WDR62: variants seen among roughly 807,000 people sequenced by gnomAD.
WDR62 encodes the protein WD repeat-containing protein 62.
WDR62 carries 112 observed loss-of-function variants against 160.6 expected under a neutral mutation model. The ratio of observed to expected loss-of-function variants is 0.70; its 90% CI spans 0.60 to 0.82. The LOEUF (loss-of-function observed/expected upper bound fraction) is 0.82. WDR62 is among the 40% of genes least tolerant of loss of function. The probability of loss-of-function intolerance (pLI) is 0.00; values close to 1 mark genes in which losing one functional copy is unlikely to be tolerated. For synonymous variants in WDR62, 792 were observed against 815.1 expected (o/e 0.97, Z 0.48); for missense variants, 1,819 against 1,983.8 (o/e 0.92, Z 1.58).
At chr19:36,098,632 TC>T (rs1228158428) in intron 21 of WDR62, among the ~76,000 whole-genome samples, 5 of 151,264 alleles carry the variant, frequency 3.3e-5, no homozygotes, top group Non-Finnish European at 7.4e-5. Flanking sequence ...TGAAGGATGA[TC>T]CCAAGGTTGG....
chr19:36,100,663 G>T (rs1375159007), intron 22 of WDR62, 85 bp from the exon 23 acceptor site: 1 of 1,597,300 alleles, frequency 6.3e-7, no homozygotes, highest in East Asian at 2.2e-5. Context: ...GCCTCCAGCA[G>T]TGGGGCTGCT....
chr19:36,059,124 C>T (rs949162746), intron 2 of WDR62: 19 of 637,620 alleles, frequency 3.0e-5, no homozygotes, highest in Admixed American at 8.4e-5. Context: ...CTGGGAAAGA[C>T]AGGTGATTAA....
chr19:36,103,403 G>T lies in WDR62; in HGVS notation c.3575G>T (p.Arg1192Met), dbSNP rs78172622. 6.2e-7 allele frequency: 1 copy of T among 1,614,050 alleles called. No homozygotes were observed. Among genetic ancestry groups the T allele is most frequent in the Non-Finnish European group, 8.5e-7 (1 of 1,179,996 alleles). The change falls in exon 30 of 32, where the codon AGG (arginine) becomes ATG (methionine). Residue 1192 changes from arginine (R) to methionine (M), a missense_variant. Physicochemically the swap from Arg to Met is moderately conservative, Grantham distance 91 (BLOSUM62 -1). Around this residue, in one of 3 missense-constraint regions of WDR62, gnomAD observed 770 missense variants for 734.2 expected, o/e 1.05. Coordinates refer to ENST00000401500, the MANE Select transcript of WDR62 (RefSeq NM_001083961.2). The stretch of plus-strand genomic sequence containing the variant: ...GCTTCCTCCGTGCTGCCCACAGACA[G>T]GAATCTCCCAACGCCCACATCTGCA... ...VPASSVLPTD[R>M]NLPTPTSAPT...
At chr19:36,087,400 G>A (rs370257947) in intron 13 of WDR62, among the ~76,000 whole-genome samples, 6 of 151,772 alleles carry the variant, frequency 4.0e-5, no homozygotes, top group Admixed American at 2.6e-4. Context: ...CCAGCTACTC[G>A]GGAGGCTGAG....
At chr19:36,087,681 T>C (rs896077504) in intron 13 of WDR62, among the ~76,000 whole-genome samples, 5 of 151,832 alleles carry the variant, frequency 3.3e-5, no homozygotes, top group Non-Finnish European at 7.4e-5. Context: ...TAACCGGGCA[T>C]GGTGGTGCAC....
At chr19:36,081,665 A>G in intron 10 of WDR62, 95 bp downstream of exon 10, 5 of 1,543,780 alleles carry the variant, frequency 3.2e-6, no homozygotes, top group South Asian at 1.1e-5. Context: ...TGGACCCTAG[A>G]TGTTAGGTTC....
chr19:36,062,135 C>G (rs966750544), intron 3 of WDR62: 5 of 151,994 alleles, frequency 3.3e-5, no homozygotes, highest in Non-Finnish European at 5.9e-5. Flanking sequence ...TTAGTGGAGA[C>G]GGGGTTCATC....
chr19:36,100,058 G>T lies in WDR62; in HGVS notation c.2739+441G>T, dbSNP rs543600490. On this transcript the variant is annotated intron_variant, in intron 22 of 31. Transcript: ENST00000401500. ...TTAACGATCACTTGAGGAGTTCAAG[G>T]CCAGCCTAGGCAACGTAGCAAGATC... Among the ~76,000 whole-genome samples the T allele has an allele frequency of 5.3e-5, 8 of 152,268 alleles. No homozygotes were observed. In the East Asian group the frequency reaches 1.5e-3, roughly 29 times the overall value.
Position 36,066,017 on chromosome 19 carries a change from T to C in WDR62, c.390+2T>C. ...GGGAAGTACATAGTGACAGGGGAGG[T>C]GAGTCGTGATCGTGACTGAGTGGGA... is the stretch of plus-strand genomic sequence containing the variant. On this transcript the variant is annotated splice_donor_variant, in intron 4 of 31. Coordinates refer to ENST00000401500, the MANE Select transcript of WDR62 (RefSeq NM_001083961.2). LOFTEE classifies it high-confidence loss of function. 1 of 1,613,628 alleles carries C rather than the reference T, an allele frequency of 6.2e-7. No homozygotes were observed. Among genetic ancestry groups the C allele is most frequent in the Non-Finnish European group, 8.5e-7 (1 of 1,179,862 alleles).
intron 9 of WDR62, 21 bp downstream of exon 9, chr19:36,073,552 C>T: frequency 6.4e-7 from 1 of 1,558,064 alleles, no homozygotes; most frequent in East Asian, 2.3e-5. Context: ...CCCCCACCCC[C>T]TTGCCCCTGC....
chr19:36,094,383 G>A lies in WDR62; in HGVS notation c.2467+219G>A, dbSNP rs76093100. On this transcript the variant is annotated intron_variant, in intron 20 of 31. Coordinates refer to ENST00000401500, the MANE Select transcript of WDR62 (RefSeq NM_001083961.2). ...AGCCTGACCAATATGGTGAAACCCC[G>A]TCTCAACTAAAAATACAAAAATTAG... is the stretch of plus-strand genomic sequence containing the variant. Among the ~76,000 whole-genome samples, 5,078 of 151,576 alleles carry A rather than the reference G, an allele frequency of 0.034. 129 individuals carry two copies. The highest frequency in any genetic ancestry group is 0.11 in the East Asian group (573 of 5,108).
rs1028479726 is a variant in WDR62, at chr19:36,069,592, G to A, written c.882+1582G>A. On this transcript the variant is annotated intron_variant, in intron 7 of 31. Transcript: ENST00000401500. ...CTCCTCACTTCCCAGACGGGGTGGCGGCCGGGCAGAGGCTGCAATCTCGGC... is the reference window on the plus strand; with the variant it reads ...CTCCTCACTTCCCAGACGGGGTGGCAGCCGGGCAGAGGCTGCAATCTCGGC... 2.2e-4 allele frequency among the ~76,000 whole-genome samples: 34 copies of A among 152,290 alleles called. 1 individual carries two copies. The highest frequency in any genetic ancestry group is 2.1e-3 in the Admixed American group (32 of 15,310).
At chr19:36,104,151 C>CTGGGACA (rs1473585594) in intron 30 of WDR62, among the ~76,000 whole-genome samples, 170 bp downstream of exon 30, 1 of 152,238 alleles carries the variant, frequency 6.6e-6, no homozygotes, top group Non-Finnish European at 1.5e-5. Context: ...GTGCTAAACC[C>CTGGGACA]TGGGACATGG....
intron 13 of WDR62, among the ~76,000 whole-genome samples, chr19:36,087,191 G>A (rs1972291173): frequency 6.6e-6 from 1 of 150,394 alleles, no homozygotes; most frequent in South Asian, 2.1e-4. Context: ...CTAGGCAACA[G>A]AGTGAGACCC....
chr19:36,098,276 A>T (rs1973097456), intron 21 of WDR62, among the ~76,000 whole-genome samples: 1 of 151,822 alleles, frequency 6.6e-6, no homozygotes, highest in Non-Finnish European at 1.5e-5. Flanking sequence ...AAAAAAAAAA[A>T]GAAAAAGAGA....
downstream of WDR62, chr19:36,105,115 C>T (rs1209790762): frequency 5.3e-6 from 8 of 1,504,352 alleles, no homozygotes; most frequent in Admixed American, 2.0e-5. Context: ...GGAATGGTTC[C>T]TGGTGTCTGT....
Position 36,069,206 on chromosome 19 carries a change from T to C in WDR62, c.882+1196T>C, listed in dbSNP as rs1319878859. Among the ~76,000 whole-genome samples the C allele has an allele frequency of 4.7e-5, 7 of 149,064 alleles. No individual in the cohort carries two copies. The East Asian group carries it at 1.2e-3, about 26-fold the overall frequency. On this transcript the variant is annotated intron_variant, in intron 7 of 31. Coordinates refer to ENST00000401500, the MANE Select transcript of WDR62 (RefSeq NM_001083961.2). ...CCTCCCTCCGGGACGGGGCGGCTGC[T>C]GGGCGGAGACGCTCCTCACTTCCCA... is the stretch of plus-strand genomic sequence containing the variant.
At position 36,073,441 on chromosome 19, in the gene WDR62, C is replaced by T. The variant is rs1388180187; in HGVS notation, c.1143C>T (p.His381=). Residue 381 remains histidine (H), a synonymous_variant, in exon 9 of 32, where the codon CAC becomes CAT. Coordinates refer to ENST00000401500, the MANE Select transcript of WDR62 (RefSeq NM_001083961.2). ...HQWLSCVYKD[H]SIYIWDVKDI... ...GGCTGTCCTGCGTGTATAAGGACCA[C>T]AGCATCTACATCTGGGATGTCAAGG... is the stretch of plus-strand genomic sequence containing the variant. 2 of 1,614,130 alleles carry T rather than the reference C, an allele frequency of 1.2e-6. No individual in the cohort carries two copies. Among genetic ancestry groups the T allele is most frequent in the Non-Finnish European group, 1.7e-6 (2 of 1,180,012 alleles).
At chr19:36,068,165 T>C (rs1971046294) in intron 7 of WDR62, among the ~76,000 whole-genome samples, 155 bp downstream of exon 7, 1 of 152,066 alleles carries the variant, frequency 6.6e-6, no homozygotes, top group South Asian at 2.1e-4. Context: ...ATCTGTAAAA[T>C]GGGAGTACTG....
Sources: allele counts gnomAD v4.1 joint callset (sites outside exome capture counted in the v4.1 genomes callset), GRCh38; gene constraint gnomAD v4.1.1; regional missense constraint gnomAD v4.1.1; transcripts MANE v1.5; gene names NCBI Gene and HGNC (gene_info 2026-07-23, HGNC 2026-07-21).